Variants in EVL observed in about 807,000 individuals in gnomAD.
EVL encodes ena/VASP-like protein.
EVL carries 21 observed loss-of-function variants against 59.6 expected under a neutral mutation model. The observed-to-expected ratio is 0.35, with a 90% CI of 0.25 to 0.51. The LOEUF is 0.51. EVL is among the 20% of genes least tolerant of loss of function. The pLI is 0.97. For synonymous variants in EVL, 198 were observed against 203.5 expected (o/e 0.97, Z 0.23); for missense variants, 462 against 546.6 (o/e 0.85, Z 1.54).
intron 3 of EVL, among the ~76,000 whole-genome samples, chr14:100,122,164 A>G (rs1887741884): frequency 6.6e-6 from 1 of 152,322 alleles, no homozygotes; most frequent in South Asian, 2.1e-4. Context: ...ACACATGCCC[A>G]CAGCACCTTG....
At chr14:100,067,791 G>A (rs72711920) in intron 1 of EVL, among the ~76,000 whole-genome samples, 2,714 of 152,278 alleles carry the variant, frequency 0.018, 35 homozygotes, top group Non-Finnish European at 0.027. Flanking sequence ...GAGGAAGACA[G>A]CACTCACAGA....
chr14:100,053,778 A>G (rs1488970025), intron 1 of EVL, among the ~76,000 whole-genome samples: 2 of 152,184 alleles, frequency 1.3e-5, no homozygotes, highest in African/African-American at 2.4e-5. Flanking sequence ...CCTCCTGAGT[A>G]GCTGGGACTA....
intron 1 of EVL, among the ~76,000 whole-genome samples, chr14:100,024,776 T>G (rs557065882): frequency 8.5e-4 from 129 of 152,226 alleles, no homozygotes; most frequent in African/African-American, 3.1e-3. Context: ...ATGTCACTAC[T>G]GGAAGCCTAA....
At chr14:100,135,421 C>T (rs1338517304) in intron 8 of EVL, 1 of 153,632 alleles carries the variant, frequency 6.5e-6, no homozygotes, top group Admixed American at 6.5e-5. Flanking sequence ...GCTGAAAAAC[C>T]ATCCTGACGC....
chr14:100,007,923 T>G (rs1351942223), intron 1 of EVL, among the ~76,000 whole-genome samples: 25 of 152,166 alleles, frequency 1.6e-4, no homozygotes, highest in Admixed American at 1.6e-3. Context: ...CAGATAATAC[T>G]TTGTTGTGGA....
chr14:100,112,079 G>T (rs906297494), intron 3 of EVL, among the ~76,000 whole-genome samples: 1 of 152,182 alleles, frequency 6.6e-6, no homozygotes, highest in Non-Finnish European at 1.5e-5. Flanking sequence ...TTTTCCTCGC[G>T]TAGCGTGTAT....
At chr14:100,123,747 C>A in intron 4 of EVL, 145 bp downstream of exon 4, 1 of 753,800 alleles carries the variant, frequency 1.3e-6, no homozygotes, top group Non-Finnish European at 2.2e-6. Flanking sequence ...AGGTGCAAGC[C>A]AGACCAGGAA....
At chr14:99,991,773 T>TATAAG in intron 1 of EVL, among the ~76,000 whole-genome samples, 1 of 152,300 alleles carries the variant, frequency 6.6e-6, no homozygotes, top group East Asian at 1.9e-4. Context: ...ACAGTATATA[T>TATAAG]AATACATACA....
intron 1 of EVL, among the ~76,000 whole-genome samples, chr14:100,034,940 AG>A (rs1164933687): frequency 6.6e-6 from 1 of 152,194 alleles, no homozygotes; most frequent in Non-Finnish European, 1.5e-5. Flanking sequence ...TAAACAGTAA[AG>A]CTTGAAGTTG....
At chr14:100,099,194 A>G (rs952669899) in intron 3 of EVL, among the ~76,000 whole-genome samples, 29 of 151,994 alleles carry the variant, frequency 1.9e-4, no homozygotes, top group East Asian at 7.7e-4. Context: ...AAAAAAAAAA[A>G]AAAAAGAAAA....
chr14:99,973,044 A>G (rs946014855), intron 1 of EVL, among the ~76,000 whole-genome samples: 4 of 144,016 alleles, frequency 2.8e-5, no homozygotes, highest in African/African-American at 7.3e-5. Context: ...TACGCATTCT[A>G]CTGTTACTAG....
In EVL at chr14:100,079,204, G is replaced by A. The variant is rs138165034; in HGVS notation, c.12-5483G>A. On this transcript the variant is annotated intron_variant, in intron 1 of 13. Coordinates refer to ENST00000392920, the MANE Select transcript of EVL (RefSeq NM_016337.3). Reference sequence around the variant, plus strand: ...CCGCAGAGCTGTGGTTTCCTGACTCGCCCATCCCAGGCTGTTGTGAGAGAG... The same window carrying A: ...CCGCAGAGCTGTGGTTTCCTGACTCACCCATCCCAGGCTGTTGTGAGAGAG... 7.2e-5 allele frequency among the ~76,000 whole-genome samples: 11 copies of A among 152,326 alleles called. No homozygotes were observed. The East Asian group carries it at 1.3e-3, about 19-fold the overall frequency.
rs556495846 is a variant in EVL at position 100,015,750 on chromosome 14, T to C, written c.5+43693T>C. On this transcript the variant is annotated intron_variant, in intron 1 of 13. Transcript: ENST00000402714. ...CTTTGATCAGTTGTATGTATTAGGGTTCCATGGAAGTGTTATTTTTAAAAA... is the reference window on the plus strand; with the variant it reads ...CTTTGATCAGTTGTATGTATTAGGGCTCCATGGAAGTGTTATTTTTAAAAA... Among the ~76,000 whole-genome samples, 4 of 152,204 alleles carry C rather than the reference T, an allele frequency of 2.6e-5. No individual in the cohort carries two copies. In the South Asian group the frequency reaches 8.3e-4, roughly 32 times the overall value.
At chr14:100,000,876 T>C (rs1043069858) in intron 1 of EVL, among the ~76,000 whole-genome samples, 6 of 152,232 alleles carry the variant, frequency 3.9e-5, no homozygotes, top group African/African-American at 1.4e-4. Context: ...GAAAGCATTT[T>C]AGAAGAAAAT....
intron 1 of EVL, among the ~76,000 whole-genome samples, chr14:100,020,481 G>A (rs563045922): frequency 1.3e-5 from 2 of 150,738 alleles, no homozygotes; most frequent in South Asian, 2.1e-4. Context: ...GTGTGTGCAC[G>A]CACACACACA....
At chr14:100,015,784 T>C (rs2061045187) in intron 1 of EVL, among the ~76,000 whole-genome samples, 1 of 152,206 alleles carries the variant, frequency 6.6e-6, no homozygotes, top group Non-Finnish European at 1.5e-5. Flanking sequence ...AATAAGACAA[T>C]TATTGGCTGG....
chr14:100,045,345 G>C (rs1028484404), intron 1 of EVL, among the ~76,000 whole-genome samples: 2 of 152,150 alleles, frequency 1.3e-5, no homozygotes, highest in Non-Finnish European at 2.9e-5. Context: ...CTCTTGCCTT[G>C]TTATCGCACC....
chr14:100,019,325 G>T, intron 1 of EVL: 1 of 270,014 alleles, frequency 3.7e-6, no homozygotes, highest in Non-Finnish European at 6.9e-6. Context: ...TGTGTTACAT[G>T]CTTTACCCAG....
chr14:100,055,602 C>T (rs908032396), intron 1 of EVL, among the ~76,000 whole-genome samples: 1 of 152,178 alleles, frequency 6.6e-6, no homozygotes, highest in Non-Finnish European at 1.5e-5. Context: ...TTTGTTTTCT[C>T]CAGCATTCTG....
Sources: allele counts gnomAD v4.1 joint callset (sites outside exome capture counted in the v4.1 genomes callset), GRCh38; gene constraint gnomAD v4.1.1; transcripts MANE v1.5; gene names NCBI Gene and HGNC (gene_info 2026-07-23, HGNC 2026-07-21).